POLI: variants seen among roughly 807,000 people sequenced by gnomAD.
The protein encoded by POLI is DNA polymerase iota.
A neutral mutation model predicts 51.6 loss-of-function variants in POLI; 58 were observed. The ratio of observed to expected loss-of-function variants is 1.12; its 90% confidence interval spans 0.91 to 1.40. The LOEUF (loss-of-function observed/expected upper bound fraction) is 1.40, where lower values mean the gene tolerates loss of function less well. Ranked by LOEUF, POLI falls within the 40% of genes most tolerant of loss-of-function variation. POLI has a pLI of 0.00. For missense variants in POLI, 921 were observed against 871.3 expected, an observed-to-expected ratio of 1.06 and a Z score of -0.72; for synonymous variants, 322 against 299.7, an observed-to-expected ratio of 1.07 and a Z score of -0.77.
intron 3 of POLI, among the ~76,000 whole-genome samples, chr18:54,307,470 C>G (rs553221852): frequency 9.2e-5 from 14 of 152,248 alleles, no homozygotes; most frequent in African/African-American, 3.4e-4. Flanking sequence ...GACTTCTGTT[C>G]TTTTACGTTT....
chr18:54,305,174 G>A (rs1322257650), intron 3 of POLI, among the ~76,000 whole-genome samples: 5 of 152,006 alleles, frequency 3.3e-5, no homozygotes, highest in African/African-American at 9.7e-5. Context: ...GCCTTGTAGT[G>A]TAGTTTGAAG....
At chr18:54,305,725 T>A (rs2088572050) in intron 3 of POLI, among the ~76,000 whole-genome samples, 1 of 151,842 alleles carries the variant, frequency 6.6e-6, no homozygotes, top group African/African-American at 2.4e-5. Flanking sequence ...TTTGACTTCC[T>A]CTTTTCCTAA....
In POLI at chr18:54,294,196, C is replaced by G. The variant is rs777858687; in HGVS notation, c.1952C>G (p.Pro651Arg). ...PQGFHFTNSNPAVSAFHSFPN... is the reference protein window; with the variant it reads ...PQGFHFTNSNRAVSAFHSFPN... ...GGATTCCACTTTACAAATTCAAACC[C>G]TGCTGTGTCTGCTTTTCATTCATTT... The change falls in exon 10 of 10, where the codon CCT (proline) becomes CGT (arginine). Residue 651 changes from proline (P) to arginine (R), a missense_variant. Coordinates refer to ENST00000579534, the MANE Select transcript of POLI (RefSeq NM_007195.3). The G allele has an allele frequency of 1.2e-6, 2 of 1,613,178 alleles. No homozygotes were observed. Among genetic ancestry groups the G allele is most frequent in the Non-Finnish European group, 1.7e-6 (2 of 1,179,416 alleles).
chr18:54,312,738 C>T (rs1292173925), intron 3 of POLI, among the ~76,000 whole-genome samples: 1 of 152,076 alleles, frequency 6.6e-6, no homozygotes, highest in African/African-American at 2.4e-5. Flanking sequence ...TGTTTATTAG[C>T]TGCTTGTATG....
intron 3 of POLI, among the ~76,000 whole-genome samples, chr18:54,319,798 G>A (rs2088772844): frequency 6.6e-6 from 1 of 151,990 alleles, no homozygotes; most frequent in Admixed American, 6.6e-5. Flanking sequence ...TAATTTGTTT[G>A]CTATTATTAT....
intron 7 of POLI, chr18:54,284,860 T>A (rs1249992594): frequency 6.6e-6 from 1 of 152,228 alleles, no homozygotes; most frequent in Non-Finnish European, 1.5e-5. Context: ...TATACATGTA[T>A]TTCTCAATAT....
At chr18:54,306,842 A>T (rs559691032) in intron 3 of POLI, among the ~76,000 whole-genome samples, 2 of 151,910 alleles carry the variant, frequency 1.3e-5, no homozygotes, top group South Asian at 4.1e-4. Context: ...TTTCTTCTAG[A>T]TTTTCTAGTT....
intron 3 of POLI, among the ~76,000 whole-genome samples, chr18:54,310,120 T>C (rs556407736): frequency 1.3e-5 from 2 of 152,334 alleles, no homozygotes; most frequent in African/African-American, 4.8e-5. Flanking sequence ...CCCAGTGAGA[T>C]GAACCAGGTA....
intron 4 of POLI, among the ~76,000 whole-genome samples, chr18:54,278,083 A>G (rs1273150647): frequency 6.6e-6 from 1 of 152,124 alleles, no homozygotes; most frequent in Non-Finnish European, 1.5e-5. Flanking sequence ...TTTCATTTGC[A>G]CAGAGCATTG....
intron 4 of POLI, among the ~76,000 whole-genome samples, chr18:54,280,172 A>G (rs904467453): frequency 2.6e-5 from 4 of 152,178 alleles, no homozygotes; most frequent in African/African-American, 9.7e-5. Flanking sequence ...GAGACTGGGT[A>G]ATTTATAAAG....
chr18:54,318,075 T>C lies in POLI; in HGVS notation c.334-2198T>C, dbSNP rs1024378390. On this transcript the variant is annotated intron_variant, in intron 3 of 4. Transcript: ENST00000579823. ...AATATTGAATTCGTGCAATATAGTA[T>C]ATGCCTTGAAGCTAGCTCACAGTTC... Among the ~76,000 whole-genome samples, 2 of 152,190 alleles carry C rather than the reference T, an allele frequency of 1.3e-5. 1 individual carries two copies. The highest frequency in any genetic ancestry group is 4.1e-4 in the South Asian group (2 of 4,834).
Position 54,297,360 on chromosome 18 carries a change from CTT to C in POLI, c.*2894_*2895del, listed in dbSNP as rs983827125. On this transcript the variant is annotated 3_prime_UTR_variant, in exon 10 of 10. Coordinates refer to ENST00000579534, the MANE Select transcript of POLI (RefSeq NM_007195.3). ...TTATTTTTATTTTTTCTGTTTCTCT[CTT>C]GAGTGTATAGTGTAGAGGGGGTTTC... The C allele has an allele frequency of 3.1e-6, 3 of 981,118 alleles. No homozygotes were observed. Among genetic ancestry groups the C allele is most frequent in the Non-Finnish European group, 3.6e-6 (3 of 827,716 alleles). The allele number at this position is 981,118 out of a possible 1,614,324, so 60.8% of individuals were successfully genotyped here. A position where few individuals can be genotyped will look rare whatever the true frequency, so the allele number is the denominator to read the frequency against.
chr18:54,294,516 G>A lies in POLI; in HGVS notation c.*49G>A, dbSNP rs1272858012. 5.9e-6 allele frequency: 9 copies of A among 1,514,014 alleles called. No homozygotes were observed. Among genetic ancestry groups the A allele is most frequent in the East Asian group, 2.3e-5 (1 of 43,932 alleles). The allele number at this position is 1,514,014 out of a possible 1,614,324, so 93.8% of individuals were successfully genotyped here. Reference sequence around the variant, plus strand: ...AAAGCAAGGGAATACCATTATTTTCGGATTAGCGGTTTATTAAGCTCTTCT... The same window carrying A: ...AAAGCAAGGGAATACCATTATTTTCAGATTAGCGGTTTATTAAGCTCTTCT... On this transcript the variant is annotated 3_prime_UTR_variant, in exon 10 of 10. Transcript: ENST00000579534.
chr18:54,318,120 T>C (rs564599176), intron 3 of POLI, among the ~76,000 whole-genome samples: 2 of 152,200 alleles, frequency 1.3e-5, no homozygotes, highest in Non-Finnish European at 2.9e-5. Context: ...TTTTTTGTAC[T>C]CTAATGACAA....
downstream of POLI, among the ~76,000 whole-genome samples, chr18:54,301,116 A>G (rs1033220533): frequency 6.6e-6 from 1 of 152,074 alleles, no homozygotes; most frequent in Admixed American, 6.5e-5. Context: ...CGTCTCTACT[A>G]AAAATACCAA....
chr18:54,297,786 C>T lies in POLI; in HGVS notation c.*3319C>T. ...TAACATTAATTCTAATTAAATTCCA[C>T]AAGTTCTTTATTAAATCTCCAAATT... On this transcript the variant is annotated 3_prime_UTR_variant, in exon 10 of 10. Coordinates refer to ENST00000579534, the MANE Select transcript of POLI (RefSeq NM_007195.3). 3.1e-6 allele frequency: 3 copies of T among 958,888 alleles called. No homozygotes were observed. The highest frequency in any genetic ancestry group is 3.7e-6 in the Non-Finnish European group (3 of 805,722). 59.4% of individuals were successfully genotyped at this position (958,888 alleles called of 1,614,324 possible).
chr18:54,318,527 A>G (rs1174724095), intron 3 of POLI, among the ~76,000 whole-genome samples: 3 of 152,190 alleles, frequency 2.0e-5, no homozygotes, highest in Admixed American at 6.5e-5. Flanking sequence ...AAGATCTCAT[A>G]TTAGTAAAAT....
At chr18:54,286,715 G>C (rs947821976) in intron 7 of POLI, among the ~76,000 whole-genome samples, 1 of 152,086 alleles carries the variant, frequency 6.6e-6, no homozygotes, top group African/African-American at 2.4e-5. Context: ...AGGCTGAGGT[G>C]GGGGGATCAC....
chr18:54,301,428 A>G (rs1417794339), downstream of POLI, among the ~76,000 whole-genome samples: 1 of 152,244 alleles, frequency 6.6e-6, no homozygotes, highest in Non-Finnish European at 1.5e-5. Context: ...GTTAAAGTGC[A>G]CACAGAATAC....
Sources: allele counts gnomAD v4.1 joint callset (sites outside exome capture counted in the v4.1 genomes callset), GRCh38; gene constraint gnomAD v4.1.1; transcripts MANE v1.5; gene names NCBI Gene and HGNC (gene_info 2026-07-23, HGNC 2026-07-21).